Variants in TNS1 observed in about 807,000 individuals in gnomAD.
TNS1 encodes tensin-1.
A neutral mutation model predicts 168.6 loss-of-function variants in TNS1; 62 were observed. The observed-to-expected ratio is 0.37, with a 90% CI of 0.30 to 0.45. The LOEUF (loss-of-function observed/expected upper bound fraction) is 0.45, where lower values mean the gene tolerates loss of function less well. Among genes scored for constraint, TNS1 ranks in the 20% least tolerant of loss-of-function variants. The pLI, the probability that TNS1 is intolerant of heterozygous loss-of-function variation, is 1.00. For missense variants in TNS1, 2,240 were observed against 2,339.4 expected (o/e 0.96, Z 0.88); for synonymous variants, 934 against 933.2 (o/e 1.00, Z -0.02).
intron 4 of TNS1, among the ~76,000 whole-genome samples, chr2:217,912,536 A>T (rs1160669339): frequency 1.3e-5 from 2 of 152,222 alleles, no homozygotes; most frequent in Non-Finnish European, 2.9e-5. Flanking sequence ...CAAGAGGGGA[A>T]GGAACTGGGA....
At chr2:218,030,195 A>G (rs1958880752) in intron 1 of TNS1, among the ~76,000 whole-genome samples, 2 of 152,192 alleles carry the variant, frequency 1.3e-5, no homozygotes, top group Admixed American at 1.3e-4. Flanking sequence ...AGGAGCAGCC[A>G]GGAAAGCCTT....
At chr2:217,917,818 G>A (rs1308077329) in intron 4 of TNS1, among the ~76,000 whole-genome samples, 3 of 106,068 alleles carry the variant, frequency 2.8e-5, no homozygotes, top group Admixed American at 1.1e-4. Context: ...GCAACACAGT[G>A]AGACTGTTCT....
chr2:217,892,041 G>GC (rs1348031288), intron 11 of TNS1, among the ~76,000 whole-genome samples: 39 of 152,202 alleles, frequency 2.6e-4, no homozygotes, highest in Admixed American at 8.5e-4. Context: ...GCCTGGCTTT[G>GC]CCCTCTGCTG....
intron 3 of TNS1, among the ~76,000 whole-genome samples, chr2:217,946,462 T>C (rs367890999): frequency 2.6e-5 from 4 of 152,226 alleles, no homozygotes; most frequent in African/African-American, 9.6e-5. Flanking sequence ...AAGAGATGGA[T>C]GGATGGATAA....
At chr2:217,810,012 G>A (rs553124948) in intron 29 of TNS1, 21 bp from the exon 30 acceptor site, 6 of 1,608,082 alleles carry the variant, frequency 3.7e-6, no homozygotes, top group Non-Finnish European at 5.1e-6. Context: ...CCAACCCAAG[G>A]GGGAGTCATG....
In TNS1 at chr2:217,847,755, T is replaced by C; in HGVS notation, c.2762A>G (p.Tyr921Cys). ...CCCAGCCAAACATGGCTGATAGTCA[T>C]AAGGTGAGTAAGACCTGCCAGGAGG... ...SVPPGRSYSP[Y>C]DYQPCLAGPN... The change falls in exon 19 of 33, where the codon TAT (tyrosine) becomes TGT (cysteine). Residue 921 changes from tyrosine to cysteine, a missense_variant. Tyr to Cys is a radical substitution (Grantham distance 194). Transcript: ENST00000682258. The C allele has an allele frequency of 6.2e-7, 1 of 1,608,856 alleles. No individual in the cohort carries two copies. Among genetic ancestry groups the C allele is most frequent in the Non-Finnish European group, 8.5e-7 (1 of 1,175,954 alleles).
chr2:217,898,481 A>G (rs1318061482), intron 7 of TNS1, among the ~76,000 whole-genome samples: 2 of 152,196 alleles, frequency 1.3e-5, no homozygotes, highest in Non-Finnish European at 1.5e-5. Flanking sequence ...AGTGGGCGGG[A>G]AACCTCTCAG....
At chr2:217,947,933 T>A (rs1206318377) in intron 3 of TNS1, among the ~76,000 whole-genome samples, 1 of 152,212 alleles carries the variant, frequency 6.6e-6, no homozygotes, top group East Asian at 1.9e-4. Flanking sequence ...AATGTGGAAG[T>A]GCCTATGATT....
intron 15 of TNS1, 140 bp from the exon 16 acceptor site, chr2:217,885,304 C>T: frequency 2.5e-6 from 3 of 1,221,200 alleles, no homozygotes; most frequent in Non-Finnish European, 3.4e-6. Context: ...CAACACCAAA[C>T]AGGATCTCAG....
chr2:217,829,988 CA>C (rs1485983166), intron 22 of TNS1: 11 of 1,529,738 alleles, frequency 7.2e-6, no homozygotes, highest in African/African-American at 1.4e-5. Context: ...AAGAGATTAA[CA>C]GGGATTATTT....
At chr2:217,985,614 G>T (rs1442900085) in intron 2 of TNS1, 1 of 151,948 alleles carries the variant, frequency 6.6e-6, no homozygotes, top group Non-Finnish European at 1.5e-5. Context: ...TAGAGATGGG[G>T]TTTCTCCATG....
chr2:217,847,476 G>C, intron 19 of TNS1, 34 bp downstream of exon 19: 1 of 1,379,958 alleles, frequency 7.2e-7, no homozygotes, highest in Non-Finnish European at 9.5e-7. Flanking sequence ...AAATAAGGAA[G>C]GGGTAGAAGG....
At chr2:217,847,144 C>G (rs1946759657) in intron 19 of TNS1, among the ~76,000 whole-genome samples, 1 of 152,236 alleles carries the variant, frequency 6.6e-6, no homozygotes, top group Non-Finnish European at 1.5e-5. Context: ...CTCCTGGAAG[C>G]TTTCCCTGAC....
chr2:217,872,689 T>C (rs1949874174), intron 18 of TNS1, among the ~76,000 whole-genome samples: 1 of 152,220 alleles, frequency 6.6e-6, no homozygotes, highest in African/African-American at 2.4e-5. Context: ...CTCCTGGCTA[T>C]CTACCCAAGA....
intron 18 of TNS1, chr2:217,858,385 C>T (rs1948417499): frequency 2.7e-6 from 1 of 373,320 alleles, no homozygotes; most frequent in Non-Finnish European, 3.7e-6. Flanking sequence ...ACAGAGCCTG[C>T]CCCTCCACAC....
chr2:217,981,651 G>T (rs1352633553), intron 2 of TNS1, among the ~76,000 whole-genome samples: 1 of 152,182 alleles, frequency 6.6e-6, no homozygotes, highest in African/African-American at 2.4e-5. Context: ...AAGCCCCCAT[G>T]AATGGATATT....
At chr2:217,847,377 A>G in intron 19 of TNS1, 133 bp downstream of exon 19, 1 of 807,806 alleles carries the variant, frequency 1.2e-6, no homozygotes. Flanking sequence ...ACTGGCTAGC[A>G]TATAGGCTCC....
chr2:217,836,400 C>T (rs908770505), intron 19 of TNS1, among the ~76,000 whole-genome samples, 189 bp from the exon 20 acceptor site: 2 of 152,158 alleles, frequency 1.3e-5, no homozygotes, highest in African/African-American at 4.8e-5. Flanking sequence ...GTTTTCTCTG[C>T]AGGAGAGGGG....
intron 18 of TNS1, chr2:217,850,125 T>A: frequency 2.0e-6 from 2 of 985,148 alleles, no homozygotes; most frequent in South Asian, 9.4e-5. Flanking sequence ...GGGACGCGGG[T>A]CCTGGGAAGG....
Sources: gnomAD v4.1 joint callset for allele counts (sites outside exome capture counted in the v4.1 genomes callset) on GRCh38, gnomAD v4.1.1 for gene constraint, MANE v1.5 for transcripts, NCBI Gene and HGNC (gene_info 2026-07-23, HGNC 2026-07-21) for gene names.